Variants in MTDH observed in about 807,000 individuals in gnomAD.
The protein encoded by MTDH is metadherin, also known as protein LYRIC.
In MTDH, 34 loss-of-function variants were observed where a neutral mutation model predicts 72.7. That is an observed-to-expected ratio of 0.47 (90% CI 0.36 to 0.62). MTDH has a LOEUF of 0.62. Among genes scored for constraint, MTDH ranks in the 20% least tolerant of loss-of-function variants. The pLI is 0.00. For synonymous variants in MTDH, 266 were observed against 268.9 expected (o/e 0.99, Z 0.10); for missense variants, 677 against 699.4 (o/e 0.97, Z 0.36).
intron 2 of MTDH, among the ~76,000 whole-genome samples, chr8:97,663,391 G>A (rs1391164687): frequency 1.3e-5 from 2 of 152,054 alleles, no homozygotes; most frequent in Non-Finnish European, 2.9e-5. Flanking sequence ...GTTTGTATGT[G>A]TAAATATACT....
chr8:97,686,783 A>G, intron 3 of MTDH, 31 bp downstream of exon 3: 17 of 1,472,016 alleles, frequency 1.2e-5, no homozygotes, highest in Non-Finnish European at 1.5e-5. Flanking sequence ...ACTGTAGAAA[A>G]TTTTTTAATC....
intron 6 of MTDH, among the ~76,000 whole-genome samples, chr8:97,691,914 C>T (rs1359021552): frequency 6.6e-6 from 1 of 152,014 alleles, no homozygotes; most frequent in Non-Finnish European, 1.5e-5. Flanking sequence ...GAGTCTTGCT[C>T]TGTCTCCCAG....
At chr8:97,705,362 G>A (rs1814308156) in intron 7 of MTDH, among the ~76,000 whole-genome samples, 1 of 151,758 alleles carries the variant, frequency 6.6e-6, no homozygotes, top group Admixed American at 6.6e-5. Context: ...AGCACTTTGG[G>A]AGGCTGAGTC....
chr8:97,722,704 G>A (rs1795906317), intron 10 of MTDH, among the ~76,000 whole-genome samples, 175 bp from the exon 11 acceptor site: 1 of 152,160 alleles, frequency 6.6e-6, no homozygotes, highest in African/African-American at 2.4e-5. Context: ...CATAAATGTT[G>A]TAGGTGATGA....
At position 97,657,967 on chromosome 8, in the gene MTDH, AG is replaced by A. The variant is rs765553833; in HGVS notation, c.382-3102del. On this transcript the variant is annotated intron_variant, in intron 1 of 11. Transcript: ENST00000336273. ...ATTTAAGTATGATTAGTGATTTTCC[AG>A]GGCAAGGCCTTCTCGACCAGCTGTT... Among the ~76,000 whole-genome samples, 113 of 152,204 alleles carry A rather than the reference AG, an allele frequency of 7.4e-4. 1 individual carries two copies. Among genetic ancestry groups the A allele is most frequent in the Non-Finnish European group, 1.4e-3 (97 of 68,020 alleles).
intron 2 of MTDH, among the ~76,000 whole-genome samples, chr8:97,686,153 A>T (rs1813353830): frequency 6.6e-6 from 1 of 152,258 alleles, no homozygotes; most frequent in Non-Finnish European, 1.5e-5. Context: ...TGCTTTATGC[A>T]ATCCAAAAAC....
intron 1 of MTDH, among the ~76,000 whole-genome samples, chr8:97,646,953 C>T (rs1261021381): frequency 2.6e-5 from 4 of 152,210 alleles, no homozygotes; most frequent in African/African-American, 9.6e-5. Context: ...TTACATTACA[C>T]ACATAAAACT....
chr8:97,687,277 G>A, intron 3 of MTDH, 152 bp from the exon 4 acceptor site: 1 of 506,308 alleles, frequency 2.0e-6, no homozygotes. Context: ...AACATTCTTA[G>A]GATGAGTTAA....
At chr8:97,650,102 G>A (rs1048925255) in intron 1 of MTDH, among the ~76,000 whole-genome samples, 2 of 151,438 alleles carry the variant, frequency 1.3e-5, no homozygotes, top group African/African-American at 2.4e-5. Flanking sequence ...GACTACAGGC[G>A]CCCACCACCA....
chr8:97,677,605 T>C (rs1271607442), intron 2 of MTDH, among the ~76,000 whole-genome samples: 2 of 152,176 alleles, frequency 1.3e-5, no homozygotes, highest in African/African-American at 4.8e-5. Context: ...AATCAGATGT[T>C]ATATAAATTG....
intron 2 of MTDH, among the ~76,000 whole-genome samples, chr8:97,682,470 T>C (rs1349032999): frequency 2.7e-5 from 4 of 149,962 alleles, no homozygotes; most frequent in Non-Finnish European, 5.9e-5. Context: ...GGCTAATTTT[T>C]ATTATTTTTA....
rs111665352 is a variant in MTDH at position 97,645,767 on chromosome 8, C to T, written c.381+880C>T. On this transcript the variant is annotated intron_variant, in intron 1 of 11. Transcript: ENST00000336273. ...CTTTATTGCCATTCCCATGGTTCTCCCATTATATCTTTCATAGTTTTATGT... is the reference window on the plus strand; with the variant it reads ...CTTTATTGCCATTCCCATGGTTCTCTCATTATATCTTTCATAGTTTTATGT... Among the ~76,000 whole-genome samples the T allele has an allele frequency of 3.4e-3, 525 of 152,182 alleles. 4 individuals are homozygous for T. The highest frequency in any genetic ancestry group is 0.011 in the African/African-American group (474 of 41,516).
At chr8:97,720,916 A>G (rs1339127892) in intron 10 of MTDH, among the ~76,000 whole-genome samples, 3 of 151,764 alleles carry the variant, frequency 2.0e-5, no homozygotes, top group African/African-American at 7.3e-5. Flanking sequence ...AGCCTCCCAA[A>G]GTACTGGGAT....
At chr8:97,720,105 T>C (rs934248204) in intron 10 of MTDH, among the ~76,000 whole-genome samples, 3 of 150,844 alleles carry the variant, frequency 2.0e-5, no homozygotes, top group Non-Finnish European at 3.0e-5. Context: ...GCCAAGATGG[T>C]GAAACCCTGT....
intron 1 of MTDH, among the ~76,000 whole-genome samples, chr8:97,651,226 G>T (rs1304470830): frequency 1.3e-5 from 2 of 152,148 alleles, no homozygotes; most frequent in Non-Finnish European, 2.9e-5. Flanking sequence ...TTTTATGAGT[G>T]TTTCTGTTTA....
At chr8:97,708,264 C>CTTTTTTTT (rs71271145) in intron 8 of MTDH, among the ~76,000 whole-genome samples, 34 of 32,072 alleles carry the variant, frequency 1.1e-3, no homozygotes, top group African/African-American at 2.0e-3. Flanking sequence ...CATGCCAGGC[C>CTTTTTTTT]TTTTTTTTTT....
intron 11 of MTDH, among the ~76,000 whole-genome samples, chr8:97,723,509 T>G (rs896416127): frequency 6.6e-6 from 1 of 151,360 alleles, no homozygotes; most frequent in East Asian, 2.0e-4. Flanking sequence ...TTTGAGAGGC[T>G]GAGGCGGGCG....
At chr8:97,691,837 C>T (rs1278496070) in intron 6 of MTDH, among the ~76,000 whole-genome samples, 1 of 151,996 alleles carries the variant, frequency 6.6e-6, no homozygotes, top group South Asian at 2.1e-4. Context: ...CTCCCTTTCT[C>T]CTGCCCGCAA....
At chr8:97,670,869 GC>G (rs1470722781) in intron 2 of MTDH, among the ~76,000 whole-genome samples, 10 of 151,394 alleles carry the variant, frequency 6.6e-5, no homozygotes, top group Admixed American at 1.3e-4. Flanking sequence ...TGATTCTCCT[GC>G]CTCAGCCCCC....
Sources: allele counts gnomAD v4.1 joint callset (sites outside exome capture counted in the v4.1 genomes callset), GRCh38; gene constraint gnomAD v4.1.1; transcripts MANE v1.5; gene names NCBI Gene and HGNC (gene_info 2026-07-23, HGNC 2026-07-21).